The following RIMS1 variants were observed in gnomAD, a reference collection of about 807,000 sequenced individuals.
RIMS1 encodes regulating synaptic membrane exocytosis 1.
In RIMS1, 83 loss-of-function variants were observed where a neutral mutation model predicts 214.1. The observed-to-expected ratio is 0.39, with a 90% CI of 0.32 to 0.47. The LOEUF (loss-of-function observed/expected upper bound fraction) is 0.47. Ranked by LOEUF, RIMS1 falls within the 20% of genes least tolerant of loss-of-function variation. The pLI, the probability that RIMS1 is intolerant of heterozygous loss-of-function variation, is 0.99. For synonymous variants in RIMS1, 793 were observed against 786.8 expected (o/e 1.01, Z -0.13); for missense variants, 2,050 against 2,161.8 (o/e 0.95, Z 1.03).
Position 72,196,377 on chromosome 6 carries a change from G to GTTTGTCTGTCTA in RIMS1, c.1678+13229_1678+13230insTTGTCTGTCTAT, listed in dbSNP as rs1334799674. Among the ~76,000 whole-genome samples, 337 of 144,078 alleles carry GTTTGTCTGTCTA rather than the reference G, an allele frequency of 2.3e-3. 1 individual carries two copies. Among genetic ancestry groups the GTTTGTCTGTCTA allele is most frequent in the Middle Eastern group, 0.01 (3 of 292 alleles). The allele number at this position is 144,078 out of a possible 152,430, so 94.5% of individuals were successfully genotyped here. On this transcript the variant is annotated intron_variant, in intron 6 of 33. Transcript: ENST00000521978. ...TGTCTGTCTGTCTGTCTGTCTGTCT[G>GTTTGTCTGTCTA]TCTATCTATCTATCTATCTATCTAT...
rs145346458 is a variant in RIMS1, at chr6:72,193,954, A to G, written c.1678+10805A>G. ...AGAAATTTTTTTTTAGAGTAATTCA[A>G]GTTTTCTTGATATTTAGTTTAAATG... On this transcript the variant is annotated intron_variant, in intron 6 of 33. Coordinates refer to ENST00000521978, the MANE Select transcript of RIMS1 (RefSeq NM_014989.7). Among the ~76,000 whole-genome samples, 1,061 of 152,238 alleles carry G rather than the reference A, an allele frequency of 7.0e-3. 9 individuals carry two copies. The highest frequency in any genetic ancestry group is 0.023 in the African/African-American group (942 of 41,552).
intron 4 of RIMS1, among the ~76,000 whole-genome samples, chr6:72,111,667 T>G (rs765071450): frequency 1.8e-4 from 27 of 152,178 alleles, no homozygotes; most frequent in Non-Finnish European, 3.2e-4. Flanking sequence ...TACTTTTCTA[T>G]GAGTCCCATC....
rs904586962 is a variant in RIMS1 at position 72,224,732 on chromosome 6, T to C, written c.1679-9041T>C. ...ATCTATATGGATTTGTTGATATTGCTTCTTTATCCTCATTTTTTTGTGGTT... is the reference window on the plus strand; with the variant it reads ...ATCTATATGGATTTGTTGATATTGCCTCTTTATCCTCATTTTTTTGTGGTT... On this transcript the variant is annotated intron_variant, in intron 6 of 33. Transcript: ENST00000521978. Among the ~76,000 whole-genome samples, 5 of 152,332 alleles carry C rather than the reference T, an allele frequency of 3.3e-5. No homozygotes were observed. In the East Asian group the frequency reaches 9.6e-4, roughly 29 times the overall value.
chr6:72,265,954 C>G lies in RIMS1; in HGVS notation c.3309-6C>G, dbSNP rs1563269770. The stretch of plus-strand genomic sequence containing the variant: ...TCTACCACTGGATGCAATGCACTGG[C>G]ACTAGTGAACTGCAGCCCTTTCTTG... On this transcript the variant is annotated splice_polypyrimidine_tract_variant and splice_region_variant and intron_variant, in intron 21 of 33. Transcript: ENST00000521978. 1.3e-6 allele frequency: 2 copies of G among 1,556,788 alleles called. No homozygotes were observed. The highest frequency in any genetic ancestry group is 1.2e-5 in the South Asian group (1 of 84,602).
chr6:72,237,536 C>T (rs944347362), intron 8 of RIMS1, among the ~76,000 whole-genome samples: 10 of 151,666 alleles, frequency 6.6e-5, no homozygotes, highest in African/African-American at 1.9e-4. Flanking sequence ...ATTAGCTGGG[C>T]GTGGTGGTGT....
rs190963191 is a variant in RIMS1 at position 72,121,319 on chromosome 6, T to A, written c.471+21333T>A. On this transcript the variant is annotated intron_variant, in intron 4 of 33. Transcript: ENST00000521978. ...TTGTTCCATTTGTTTGTGTCCTCTT[T>A]TATTTCGTTGAGCAGTGGTTTGCAG... Among the ~76,000 whole-genome samples, 485 of 152,006 alleles carry A rather than the reference T, an allele frequency of 3.2e-3. 2 individuals are homozygous for A. Among genetic ancestry groups the A allele is most frequent in the African/African-American group, 0.011 (440 of 41,544 alleles).
At chr6:72,151,564 G>A (rs998649841) in intron 4 of RIMS1, among the ~76,000 whole-genome samples, 20 of 152,172 alleles carry the variant, frequency 1.3e-4, no homozygotes, top group African/African-American at 4.8e-4. Context: ...GGCATCTTGT[G>A]TTGTCAATAA....
chr6:72,222,099 A>T (rs576483254), intron 6 of RIMS1, among the ~76,000 whole-genome samples: 1 of 152,176 alleles, frequency 6.6e-6, no homozygotes, highest in East Asian at 1.9e-4. Context: ...ACTTTTTAAC[A>T]TTACTGAAAT....
intron 29 of RIMS1, among the ~76,000 whole-genome samples, chr6:72,354,990 T>C (rs1038854577): frequency 3.3e-5 from 5 of 152,300 alleles, no homozygotes; most frequent in African/African-American, 1.2e-4. Context: ...TATAGCCAAA[T>C]TGGTGTGGGG....
chr6:72,193,336 T>A (rs2050357659), intron 6 of RIMS1, among the ~76,000 whole-genome samples: 1 of 152,240 alleles, frequency 6.6e-6, no homozygotes, highest in Non-Finnish European at 1.5e-5. Flanking sequence ...GACGCTCATT[T>A]ATCTGATAAA....
chr6:72,232,499 A>C (rs2062371389), intron 6 of RIMS1, among the ~76,000 whole-genome samples: 1 of 151,600 alleles, frequency 6.6e-6, no homozygotes, highest in Non-Finnish European at 1.5e-5. Flanking sequence ...CTTTTTTGGC[A>C]TCAAACCATG....
chr6:71,981,421 A>G (rs1016002784), intron 2 of RIMS1, among the ~76,000 whole-genome samples: 4 of 152,106 alleles, frequency 2.6e-5, no homozygotes, highest in Non-Finnish European at 5.9e-5. Context: ...TTCTTGCTCA[A>G]TCTTGGGCTA....
chr6:72,002,526 A>T lies in RIMS1; in HGVS notation c.245+33463A>T, dbSNP rs551610622. 1.0e-3 allele frequency among the ~76,000 whole-genome samples: 156 copies of T among 152,276 alleles called. 1 individual carries two copies. Among genetic ancestry groups the T allele is most frequent in the African/African-American group, 3.3e-3 (136 of 41,550 alleles). On this transcript the variant is annotated intron_variant, in intron 2 of 33. Transcript: ENST00000521978. ...AGATGCATGGGGTAGGAGTGTGCAGACGCTGCCACAGTGCTCCTATAAGCA... is the reference window on the plus strand; with the variant it reads ...AGATGCATGGGGTAGGAGTGTGCAGTCGCTGCCACAGTGCTCCTATAAGCA...
At chr6:72,332,553 G>T (rs1194045770) in intron 28 of RIMS1, among the ~76,000 whole-genome samples, 3 of 99,290 alleles carry the variant, frequency 3.0e-5, no homozygotes, top group Non-Finnish European at 3.9e-5. Flanking sequence ...GGGGAGGGGG[G>T]AGGGATAGCA....
intron 26 of RIMS1, among the ~76,000 whole-genome samples, chr6:72,298,963 C>T (rs959902220): frequency 3.9e-5 from 6 of 151,912 alleles, no homozygotes; most frequent in African/African-American, 1.4e-4. Context: ...TTTTAACTCC[C>T]TCTTTTATGT....
intron 1 of RIMS1, among the ~76,000 whole-genome samples, chr6:71,888,092 G>A (rs1014292898): frequency 2.0e-5 from 3 of 152,210 alleles, no homozygotes; most frequent in South Asian, 2.1e-4. Flanking sequence ...GGGAGAAGAT[G>A]GGACTACTTG....
intron 6 of RIMS1, among the ~76,000 whole-genome samples, chr6:72,211,779 G>C (rs562731506): frequency 1.1e-4 from 17 of 152,158 alleles, no homozygotes; most frequent in Admixed American, 3.9e-4. Flanking sequence ...AAAAATATTG[G>C]CATTTGATTG....
At chr6:72,244,089 A>T (rs1340693770) in intron 10 of RIMS1, among the ~76,000 whole-genome samples, 1 of 151,648 alleles carries the variant, frequency 6.6e-6, no homozygotes, top group Non-Finnish European at 1.5e-5. Context: ...GAAAATATTT[A>T]TTCATAATGT....
chr6:72,226,140 T>C (rs901657955), intron 6 of RIMS1, among the ~76,000 whole-genome samples: 1 of 152,102 alleles, frequency 6.6e-6, no homozygotes, highest in African/African-American at 2.4e-5. Context: ...CATGCATGTG[T>C]GTGTATGTGT....
Sources: allele counts gnomAD v4.1 joint callset (sites outside exome capture counted in the v4.1 genomes callset), GRCh38; gene constraint gnomAD v4.1.1; transcripts MANE v1.5; gene names NCBI Gene and HGNC (gene_info 2026-07-23, HGNC 2026-07-21).